LAMA4: variants seen among roughly 807,000 people sequenced by gnomAD.
LAMA4 encodes the protein laminin subunit alpha-4.
In LAMA4, 127 loss-of-function variants were observed where a neutral mutation model predicts 207.1. The observed-to-expected ratio is 0.61, with a 90% CI of 0.53 to 0.71. The LOEUF (loss-of-function observed/expected upper bound fraction) is 0.71. Among genes scored for constraint, LAMA4 ranks in the 30% least tolerant of loss-of-function variants. LAMA4 has a pLI of 0.00. For synonymous variants in LAMA4, 761 were observed against 816.0 expected (o/e 0.93, Z 1.15); for missense variants, 2,093 against 2,246.5 (o/e 0.93, Z 1.38).
At chr6:112,164,785 T>A (rs1313372271) in intron 13 of LAMA4, among the ~76,000 whole-genome samples, 1 of 152,164 alleles carries the variant, frequency 6.6e-6, no homozygotes, top group Non-Finnish European at 1.5e-5. Context: ...GTAGGATGGA[T>A]CGAGAGCAGC....
At chr6:112,249,945 A>G (rs1235258737) in intron 2 of LAMA4, among the ~76,000 whole-genome samples, 1 of 152,190 alleles carries the variant, frequency 6.6e-6, no homozygotes, top group African/African-American at 2.4e-5. Context: ...GAATGTTAGT[A>G]CATTGTTCTG....
intron 5 of LAMA4, among the ~76,000 whole-genome samples, chr6:112,193,211 G>A (rs567932949): frequency 1.7e-4 from 26 of 152,204 alleles, no homozygotes; most frequent in African/African-American, 5.3e-4. Flanking sequence ...CCAGCAAAGG[G>A]TTTTGAGCAT....
intron 6 of LAMA4, among the ~76,000 whole-genome samples, chr6:112,190,347 C>T (rs1782943500): frequency 6.6e-6 from 1 of 152,210 alleles, no homozygotes; most frequent in African/African-American, 2.4e-5. Context: ...TGCCTCTATG[C>T]ACATTGCTTT....
chr6:112,156,510 C>A (rs1780721485), intron 14 of LAMA4, among the ~76,000 whole-genome samples: 1 of 152,160 alleles, frequency 6.6e-6, no homozygotes, highest in African/African-American at 2.4e-5. Context: ...ATTTTATTGA[C>A]AAATACTTCT....
intron 12 of LAMA4, among the ~76,000 whole-genome samples, chr6:112,170,208 T>C (rs1781631437): frequency 6.6e-6 from 1 of 152,224 alleles, no homozygotes. Flanking sequence ...GTAGTATTAA[T>C]AATAGGTCTT....
At chr6:112,125,040 C>T (rs1778607141) in intron 31 of LAMA4, among the ~76,000 whole-genome samples, 1 of 152,138 alleles carries the variant, frequency 6.6e-6, no homozygotes, top group African/African-American at 2.4e-5. Context: ...CAGGCGTGAG[C>T]CACCGCACCT....
At chr6:112,126,233 T>G (rs564907482) in intron 31 of LAMA4, among the ~76,000 whole-genome samples, 2 of 152,328 alleles carry the variant, frequency 1.3e-5, no homozygotes, top group East Asian at 3.9e-4. Context: ...GTAACTGTGT[T>G]TGCTTGAGAA....
chr6:112,124,808 G>A (rs1209376088), intron 31 of LAMA4, among the ~76,000 whole-genome samples: 1 of 150,960 alleles, frequency 6.6e-6, no homozygotes, highest in East Asian at 1.9e-4. Context: ...CCAGGCTGGA[G>A]TGCAGTGGCG....
intron 22 of LAMA4, 32 bp from the exon 23 acceptor site, chr6:112,139,917 T>C: frequency 6.2e-7 from 1 of 1,611,400 alleles, no homozygotes; most frequent in Non-Finnish European, 8.5e-7. Context: ...ACCACTTGTC[T>C]CATGGTCATA....
chr6:112,139,965 T>C (rs781868962), intron 22 of LAMA4, 80 bp from the exon 23 acceptor site: 14 of 1,435,014 alleles, frequency 9.8e-6, no homozygotes, highest in Middle Eastern at 3.5e-4. Context: ...ATGCAACTAA[T>C]AGTAGGTCAA....
chr6:112,112,712 G>T (rs1777774795), intron 38 of LAMA4, among the ~76,000 whole-genome samples: 1 of 152,102 alleles, frequency 6.6e-6, no homozygotes, highest in South Asian at 2.1e-4. Flanking sequence ...TTCACACCGG[G>T]TTACTATTAT....
At position 112,115,741 on chromosome 6, in the gene LAMA4, G is replaced by C. The variant is rs181966101; in HGVS notation, c.5112+122C>G. 7.8e-5 allele frequency: 83 copies of C among 1,064,116 alleles called. No homozygotes were observed. In the African/African-American group the frequency reaches 1.1e-3, roughly 14 times the overall value. 65.9% of individuals were successfully genotyped at this position (1,064,116 alleles called of 1,614,324 possible). A position where few individuals can be genotyped will look rare whatever the true frequency, so the allele number is the denominator to read the frequency against. On this transcript the variant is annotated intron_variant, in intron 36 of 38. Coordinates refer to ENST00000230538, the MANE Select transcript of LAMA4 (RefSeq NM_001105206.3). Reference sequence around the variant, plus strand: ...GCCCACATTTACATTTCATGTTATAGCTTTCCTATATTTCTTTTCAGTTAG... The same window carrying C: ...GCCCACATTTACATTTCATGTTATACCTTTCCTATATTTCTTTTCAGTTAG...
chr6:112,122,176 G>A lies in LAMA4; in HGVS notation c.4313C>T (p.Ser1438Leu), dbSNP rs782233087. 3 of 1,613,782 alleles carry A rather than the reference G, an allele frequency of 1.9e-6. No individual in the cohort carries two copies. Among genetic ancestry groups the A allele is most frequent in the Non-Finnish European group, 2.5e-6 (3 of 1,179,766 alleles). Residue 1438 changes from serine (S) to leucine (L), a missense_variant, in exon 32 of 39, where the codon TCA becomes TTA. Transcript: ENST00000230538. ...GAGTTTCAGAGCAACAGGATCCCAT[G>A]AAGGTGCATCTTTACTTTTCCCTCC... ...KKGGKSKDAP[S>L]WDPVALKLPE...
intron 14 of LAMA4, 109 bp downstream of exon 14, chr6:112,158,623 T>A: frequency 1.7e-6 from 2 of 1,158,508 alleles, no homozygotes; most frequent in Non-Finnish European, 2.6e-6. Flanking sequence ...ATACCCAACC[T>A]TAATCAACCT....
At chr6:112,211,578 G>A (rs936814576) in intron 3 of LAMA4, among the ~76,000 whole-genome samples, 1 of 152,202 alleles carries the variant, frequency 6.6e-6, no homozygotes, top group Non-Finnish European at 1.5e-5. Flanking sequence ...TACAGTGTGT[G>A]AAGGCTATGT....
chr6:112,215,550 T>C (rs2115056396), intron 3 of LAMA4, among the ~76,000 whole-genome samples: 1 of 152,334 alleles, frequency 6.6e-6, no homozygotes, highest in East Asian at 1.9e-4. Context: ...GATGGGAACT[T>C]GAAGAATTTT....
intron 35 of LAMA4, among the ~76,000 whole-genome samples, chr6:112,116,646 T>C (rs1250808403): frequency 2.0e-5 from 3 of 152,240 alleles, no homozygotes; most frequent in African/African-American, 7.2e-5. Context: ...AATAAAATTC[T>C]TATTAAGAAT....
In LAMA4 at chr6:112,148,247, T is replaced by G. The variant is rs201609247; in HGVS notation, c.2263A>C (p.Met755Leu). The change falls in exon 18 of 39, where the codon ATG becomes CTG. Residue 755 changes from methionine to leucine, a missense_variant. Met to Leu is a conservative substitution (Grantham distance 15, BLOSUM62 2). Transcript: ENST00000230538. Reference sequence around the variant, plus strand: ...GACCAGTTGGTTAGATTGTTGGCCATGGGGGCAGTGGCCTGCTGCACCTCC... The same window carrying G: ...GACCAGTTGGTTAGATTGTTGGCCAGGGGGGCAGTGGCCTGCTGCACCTCC... The part of the protein sequence containing the change: ...TMEVQQATAP[M>L]ANNLTNWSQN... 6.2e-7 allele frequency: 1 copy of G among 1,614,166 alleles called. No homozygotes were observed. The highest frequency in any genetic ancestry group is 1.7e-5 in the Admixed American group (1 of 60,026).
intron 2 of LAMA4, among the ~76,000 whole-genome samples, chr6:112,229,652 A>C (rs1177323383): frequency 6.6e-6 from 1 of 152,214 alleles, no homozygotes; most frequent in African/African-American, 2.4e-5. Context: ...TAGAAGACTG[A>C]ACAGAGCTAA....
Sources: gnomAD v4.1 joint callset for allele counts (sites outside exome capture counted in the v4.1 genomes callset) on GRCh38, gnomAD v4.1.1 for gene constraint, MANE v1.5 for transcripts, NCBI Gene and HGNC (gene_info 2026-07-23, HGNC 2026-07-21) for gene names.